The following DEPTOR variants were observed in gnomAD, a reference collection of about 807,000 sequenced individuals.
The protein encoded by DEPTOR is DEP domain-containing mTOR-interacting protein.
Under a neutral mutation model 41.6 loss-of-function variants are expected in DEPTOR, and 41 were observed. The ratio of observed to expected loss-of-function variants is 0.98; its 90% CI spans 0.77 to 1.28. The LOEUF (loss-of-function observed/expected upper bound fraction) is 1.28, where lower values mean the gene tolerates loss of function less well. Among genes scored for constraint, DEPTOR ranks in the 50% most tolerant of loss-of-function variants. The pLI is 0.00. For missense variants in DEPTOR, 514 were observed against 527.9 expected (o/e 0.97, Z 0.26); for synonymous variants, 195 against 192.3 (o/e 1.01, Z -0.12).
At chr8:119,980,250 T>G in intron 4 of DEPTOR, among the ~76,000 whole-genome samples, 1 of 152,076 alleles carries the variant, frequency 6.6e-6, no homozygotes, top group South Asian at 2.1e-4. Context: ...AAAAATGCAA[T>G]CTATATGAAA....
intron 4 of DEPTOR, among the ~76,000 whole-genome samples, chr8:119,990,258 C>T (rs1460313836): frequency 3.3e-5 from 5 of 152,116 alleles, no homozygotes; most frequent in Admixed American, 3.3e-4. Flanking sequence ...CCCAGGTTCA[C>T]GCCATTCTCC....
chr8:119,893,985 G>A lies in DEPTOR; in HGVS notation c.122+20017G>A, dbSNP rs976790208. Among the ~76,000 whole-genome samples, 4 of 152,276 alleles carry A rather than the reference G, an allele frequency of 2.6e-5. No homozygotes were observed. In the South Asian group the frequency reaches 6.2e-4, roughly 24 times the overall value. ...CCATCACTATGGTAGTCATACTAAC[G>A]GGATCTATATACTTTTGGGGAAATC... On this transcript the variant is annotated intron_variant, in intron 1 of 8. Coordinates refer to ENST00000286234, the MANE Select transcript of DEPTOR (RefSeq NM_022783.4).
intron 1 of DEPTOR, among the ~76,000 whole-genome samples, chr8:119,890,108 G>A (rs926774394): frequency 1.3e-5 from 2 of 152,030 alleles, no homozygotes; most frequent in Non-Finnish European, 2.9e-5. Flanking sequence ...GGGATTACGG[G>A]CATGGGCCGC....
At chr8:119,991,551 C>T (rs1016957373) in intron 4 of DEPTOR, among the ~76,000 whole-genome samples, 4 of 152,180 alleles carry the variant, frequency 2.6e-5, no homozygotes, top group African/African-American at 7.2e-5. Context: ...CTCCTGGCCT[C>T]AAGTGGTCTG....
At chr8:119,943,503 GA>G (rs1189473624) in intron 3 of DEPTOR, among the ~76,000 whole-genome samples, 18 of 152,078 alleles carry the variant, frequency 1.2e-4, no homozygotes, top group Non-Finnish European at 2.9e-5. Context: ...CAGCATGGGG[GA>G]AACTGCCCCC....
chr8:119,988,037 C>A (rs973717945), intron 4 of DEPTOR, among the ~76,000 whole-genome samples: 3 of 152,114 alleles, frequency 2.0e-5, no homozygotes, highest in African/African-American at 4.8e-5. Flanking sequence ...AGTTCTGTCT[C>A]GCTGGTGTTC....
At chr8:120,001,812 G>A in intron 5 of DEPTOR, 102 bp downstream of exon 5, 1 of 1,343,368 alleles carries the variant, frequency 7.4e-7, no homozygotes, top group Non-Finnish European at 9.8e-7. Flanking sequence ...TCAGAGCGTA[G>A]AATTTTTACT....
chr8:119,943,601 G>A (rs538780077), intron 3 of DEPTOR, among the ~76,000 whole-genome samples: 4 of 152,160 alleles, frequency 2.6e-5, no homozygotes, highest in South Asian at 4.2e-4. Flanking sequence ...GGGTGGGGAC[G>A]CAGAGCCAAA....
intron 1 of DEPTOR, among the ~76,000 whole-genome samples, chr8:119,916,288 T>G (rs377480515): frequency 0.69 from 91,740 of 132,338 alleles, 32,242 homozygotes; most frequent in East Asian, 0.92. Flanking sequence ...TTTTTTTTTT[T>G]TTTTTTTTTT....
chr8:119,888,554 A>C (rs1052813231), intron 1 of DEPTOR, among the ~76,000 whole-genome samples: 1 of 152,160 alleles, frequency 6.6e-6, no homozygotes, highest in Non-Finnish European at 1.5e-5. Context: ...CTTGATGGAT[A>C]AACAAGAATT....
intron 4 of DEPTOR, among the ~76,000 whole-genome samples, chr8:119,976,963 C>G (rs980888601): frequency 2.0e-5 from 3 of 152,192 alleles, no homozygotes; most frequent in Non-Finnish European, 4.4e-5. Flanking sequence ...TCTTCACAAG[C>G]AATCAATGCA....
At chr8:119,964,321 C>T (rs1224628565) in intron 3 of DEPTOR, among the ~76,000 whole-genome samples, 5 of 151,934 alleles carry the variant, frequency 3.3e-5, no homozygotes, top group African/African-American at 1.2e-4. Flanking sequence ...TCGAGACCAG[C>T]CTGGACAATA....
chr8:119,989,842 C>T (rs1812122529), intron 4 of DEPTOR, among the ~76,000 whole-genome samples: 1 of 152,200 alleles, frequency 6.6e-6, no homozygotes, highest in South Asian at 2.1e-4. Context: ...CTTATACATA[C>T]TCTCTGCTAT....
At chr8:119,952,728 T>C (rs1017502764) in intron 3 of DEPTOR, among the ~76,000 whole-genome samples, 6 of 152,184 alleles carry the variant, frequency 3.9e-5, no homozygotes, top group African/African-American at 1.2e-4. Context: ...TCCAGCTTCA[T>C]CCATGTCCCT....
intron 1 of DEPTOR, among the ~76,000 whole-genome samples, chr8:119,918,938 A>AGTGT (rs751715374): frequency 0.11 from 14,347 of 133,414 alleles, 1,158 homozygotes; most frequent in African/African-American, 0.24. Context: ...TTGCATAGTG[A>AGTGT]GTGTGTGTGT....
At chr8:120,002,373 C>T (rs1000786120) in intron 5 of DEPTOR, among the ~76,000 whole-genome samples, 2 of 151,976 alleles carry the variant, frequency 1.3e-5, no homozygotes, top group African/African-American at 2.4e-5. Context: ...CTCCTGACCT[C>T]GTGATTCTCC....
At chr8:119,918,742 T>A (rs983690376) in intron 1 of DEPTOR, among the ~76,000 whole-genome samples, 1 of 152,050 alleles carries the variant, frequency 6.6e-6, no homozygotes, top group Non-Finnish European at 1.5e-5. Context: ...TATAGGCGTG[T>A]GCCACCGCGC....
At chr8:119,954,628 T>C (rs192988932) in intron 3 of DEPTOR, among the ~76,000 whole-genome samples, 99 of 152,260 alleles carry the variant, frequency 6.5e-4, no homozygotes, top group African/African-American at 2.2e-3. Flanking sequence ...CTCAGCTCTT[T>C]TGAATTTTTT....
At chr8:119,873,995 C>CT in intron 1 of DEPTOR, 27 bp downstream of exon 1, 1 of 1,612,182 alleles carries the variant, frequency 6.2e-7, no homozygotes, top group South Asian at 1.1e-5. Context: ...AGCGGGTGAG[C>CT]TCACGATGGC....
Sources: allele counts gnomAD v4.1 joint callset (sites outside exome capture counted in the v4.1 genomes callset), GRCh38; gene constraint gnomAD v4.1.1; transcripts MANE v1.5; gene names NCBI Gene and HGNC (gene_info 2026-07-23, HGNC 2026-07-21).